CCNY: variants seen among roughly 807,000 people sequenced by gnomAD.
The protein encoded by CCNY is cyclin-Y.
A neutral mutation model predicts 42.8 loss-of-function variants in CCNY; 19 were observed. That is an observed-to-expected ratio of 0.44 (90% CI 0.31 to 0.65). The LOEUF is 0.65. Ranked by LOEUF, CCNY falls within the 30% of genes least tolerant of loss-of-function variation. CCNY has a pLI of 0.07. For synonymous variants in CCNY, 165 were observed against 162.7 expected, an observed-to-expected ratio of 1.01 and a Z score of -0.11; for missense variants, 370 against 437.3, an observed-to-expected ratio of 0.85 and a Z score of 1.37.
intron 1 of CCNY, among the ~76,000 whole-genome samples, chr10:35,466,104 A>C (rs530116714): frequency 1.3e-5 from 2 of 152,116 alleles, no homozygotes; most frequent in South Asian, 4.2e-4. Flanking sequence ...TTACCGGCTC[A>C]TTTCTGTAGT....
In CCNY at chr10:35,373,182, G is replaced by A. The variant is rs1034480881; in HGVS notation, c.154+35975G>A. ...TCCTGGCCCTGCTTCTTCCTGGTGC[G>A]GTTTTGGGTGATTGCATCCTGTCTC... On this transcript the variant is annotated intron_variant, in intron 1 of 9. Coordinates refer to ENST00000374704, the MANE Select transcript of CCNY (RefSeq NM_145012.6). Among the ~76,000 whole-genome samples, 5 of 152,136 alleles carry A rather than the reference G, an allele frequency of 3.3e-5. No individual in the cohort carries two copies. The East Asian group carries it at 5.8e-4, about 18-fold the overall frequency.
At chr10:35,550,132 C>T (rs1041915923) in intron 7 of CCNY, among the ~76,000 whole-genome samples, 1 of 67,458 alleles carries the variant, frequency 1.5e-5, no homozygotes, top group Non-Finnish European at 2.9e-5. Flanking sequence ...TGCTTGTGAC[C>T]CTGCGCTGCT....
intron 3 of CCNY, among the ~76,000 whole-genome samples, chr10:35,507,487 C>T (rs1036925922): frequency 1.4e-4 from 22 of 152,172 alleles, no homozygotes; most frequent in African/African-American, 5.3e-4. Context: ...CTGCATTCTG[C>T]CTTTTCTCCC....
intron 3 of CCNY, among the ~76,000 whole-genome samples, chr10:35,253,733 C>A (rs115298896): frequency 6.6e-6 from 1 of 151,986 alleles, no homozygotes; most frequent in Non-Finnish European, 1.5e-5. Context: ...GGCATTGACT[C>A]CTTGAATAAA....
chr10:35,552,581 A>C (rs867484836), intron 7 of CCNY, among the ~76,000 whole-genome samples: 3 of 152,230 alleles, frequency 2.0e-5, no homozygotes, highest in Admixed American at 6.5e-5. Flanking sequence ...TACCACAATA[A>C]TTAAAAGATA....
chr10:35,279,408 C>T (rs1006830292), intron 3 of CCNY, among the ~76,000 whole-genome samples: 1 of 152,198 alleles, frequency 6.6e-6, no homozygotes, highest in East Asian at 1.9e-4. Context: ...GCCACTGCTC[C>T]TGGTCATGCC....
At chr10:35,277,844 G>T (rs192689798) in intron 3 of CCNY, among the ~76,000 whole-genome samples, 1 of 152,124 alleles carries the variant, frequency 6.6e-6, no homozygotes, top group Non-Finnish European at 1.5e-5. Flanking sequence ...CTGGGTTTGG[G>T]CCTGTGCACC....
chr10:35,339,818 T>C (rs934455078), intron 1 of CCNY, among the ~76,000 whole-genome samples: 6 of 152,220 alleles, frequency 3.9e-5, no homozygotes, highest in Non-Finnish European at 8.8e-5. Context: ...TAATGGCAAC[T>C]TAATGTGTCT....
At chr10:35,313,910 A>C (rs539024988) in intron 3 of CCNY, among the ~76,000 whole-genome samples, 9 of 133,826 alleles carry the variant, frequency 6.7e-5, no homozygotes, top group Non-Finnish European at 1.4e-4. Flanking sequence ...TGGGAGGCGG[A>C]GGTTGCAGTG....
chr10:35,476,825 C>CA (rs1323745016), intron 1 of CCNY, among the ~76,000 whole-genome samples: 2 of 151,862 alleles, frequency 1.3e-5, no homozygotes, highest in East Asian at 1.9e-4. Flanking sequence ...AAAAACCCTT[C>CA]AAAAAAATCA....
rs1836049802 is a variant in CCNY at position 35,336,948 on chromosome 10, C to T, written c.-106C>T. 2.4e-6 allele frequency: 2 copies of T among 836,068 alleles called. No individual in the cohort carries two copies. The highest frequency in any genetic ancestry group is 3.1e-6 in the Non-Finnish European group (2 of 654,262). The allele number at this position is 836,068 out of a possible 1,614,324, so 51.8% of individuals were successfully genotyped here. ...GCCCCCTCCCGTGGCGGCGAGCGGG[C>T]GGGCCTCCCCACACGCCCCCGCCGC... On this transcript the variant is annotated 5_prime_UTR_variant, in exon 1 of 10. Coordinates refer to ENST00000374704, the MANE Select transcript of CCNY (RefSeq NM_145012.6).
chr10:35,501,666 T>C (rs1840113086), intron 3 of CCNY, 131 bp downstream of exon 3: 3 of 798,752 alleles, frequency 3.8e-6, no homozygotes, highest in African/African-American at 1.7e-5. Context: ...AGTGTACTTA[T>C]GCTTAGTTTG....
At chr10:35,435,198 G>A (rs1838502142) in intron 1 of CCNY, among the ~76,000 whole-genome samples, 1 of 152,202 alleles carries the variant, frequency 6.6e-6, no homozygotes, top group South Asian at 2.1e-4. Context: ...AAGGCTAGGA[G>A]TTGGAAGCTC....
chr10:35,506,406 T>C (rs1564438679), intron 3 of CCNY, among the ~76,000 whole-genome samples: 1 of 151,670 alleles, frequency 6.6e-6, no homozygotes, highest in African/African-American at 2.4e-5. Context: ...TTTTGTTTTT[T>C]CTTCTTCTTT....
chr10:35,465,905 AAG>A (rs56166429), intron 1 of CCNY, among the ~76,000 whole-genome samples: 52,846 of 99,232 alleles, frequency 0.53, 13,438 homozygotes, highest in South Asian at 0.68. Flanking sequence ...GGGTAGGGGG[AAG>A]AGAGAGAGAG....
At chr10:35,411,232 G>T (rs1408115206) in intron 1 of CCNY, among the ~76,000 whole-genome samples, 1 of 152,128 alleles carries the variant, frequency 6.6e-6, no homozygotes, top group Non-Finnish European at 1.5e-5. Flanking sequence ...GCAGCGATAG[G>T]CCGGGTGCGG....
At chr10:35,259,777 G>T (rs2095718269) in intron 3 of CCNY, among the ~76,000 whole-genome samples, 2 of 150,028 alleles carry the variant, frequency 1.3e-5, no homozygotes, top group Admixed American at 1.3e-4. Flanking sequence ...CTCCCAAAGT[G>T]CTGGGATTAC....
At chr10:35,340,902 C>T (rs1209164359) in intron 1 of CCNY, among the ~76,000 whole-genome samples, 2 of 152,138 alleles carry the variant, frequency 1.3e-5, no homozygotes, top group Non-Finnish European at 2.9e-5. Flanking sequence ...TCTCTGCCCT[C>T]AGAATATATC....
At chr10:35,277,101 T>C (rs754217355) in intron 3 of CCNY, among the ~76,000 whole-genome samples, 3 of 152,212 alleles carry the variant, frequency 2.0e-5, no homozygotes, top group Non-Finnish European at 2.9e-5. Flanking sequence ...CTTTGGTGTG[T>C]GCTCTCTTTC....
Sources: allele counts gnomAD v4.1 joint callset (sites outside exome capture counted in the v4.1 genomes callset), GRCh38; gene constraint gnomAD v4.1.1; transcripts MANE v1.5; gene names NCBI Gene and HGNC (gene_info 2026-07-23, HGNC 2026-07-21).